AMZ1: variants seen among roughly 807,000 people sequenced by gnomAD.
AMZ1 encodes the protein archaelysin family metallopeptidase 1, also known as archaemetzincin-1.
In AMZ1, 39 loss-of-function variants were observed where a neutral mutation model predicts 29.9. That is an observed-to-expected ratio of 1.30 (90% CI 1.01 to 1.70). The LOEUF (loss-of-function observed/expected upper bound fraction) is 1.70. Among genes scored for constraint, AMZ1 ranks in the 40% most tolerant of loss-of-function variants. The probability of loss-of-function intolerance (pLI) is 0.00; values close to 1 mark genes in which losing one functional copy is unlikely to be tolerated. For synonymous variants in AMZ1, 458 were observed against 304.0 expected, an observed-to-expected ratio of 1.51 and a Z score of -5.27; for missense variants, 1,041 against 680.6, an observed-to-expected ratio of 1.53 and a Z score of -5.89.
rs1033977248 is a variant in AMZ1 at position 2,712,958 on chromosome 7, G to T, written c.*80G>T. 2.9e-6 allele frequency: 4 copies of T among 1,392,804 alleles called. No individual in the cohort carries two copies. The highest frequency in any genetic ancestry group is 2.9e-5 in the African/African-American group (2 of 68,060). The allele number at this position is 1,392,804 out of a possible 1,614,324, so 86.3% of individuals were successfully genotyped here. On this transcript the variant is annotated 3_prime_UTR_variant, in exon 7 of 7. Coordinates refer to ENST00000683327, the MANE Select transcript of AMZ1 (RefSeq NM_001384743.1). The stretch of plus-strand genomic sequence containing the variant: ...CAGTAGCTGAGGCCACTACTGACCT[G>T]CCAGGGATAAAGAGGAAGGGTCTGC...
intron 4 of AMZ1, 101 bp downstream of exon 4, chr7:2,708,817 C>G (rs77345769): frequency 0.14 from 224,446 of 1,557,616 alleles, 21,121 homozygotes; most frequent in East Asian, 0.56. Context: ...TTCAAGCACC[C>G]TCCTGGTGGA....
At chr7:2,720,218 C>T (rs1000250397), downstream of AMZ1, among the ~76,000 whole-genome samples, 4 of 152,200 alleles carry the variant, frequency 2.6e-5, no homozygotes, top group Non-Finnish European at 4.4e-5. Context: ...TCTACCCACG[C>T]GGACGCCCAT....
At chr7:2,698,643 C>T (rs1007397000) in intron 1 of AMZ1, among the ~76,000 whole-genome samples, 2 of 152,050 alleles carry the variant, frequency 1.3e-5, no homozygotes, top group African/African-American at 2.4e-5. Flanking sequence ...TTGAGACCAG[C>T]CTGGGCAACA....
chr7:2,717,447 C>T lies in AMZ1; in HGVS notation c.*4569C>T, dbSNP rs1014345469. Among the ~76,000 whole-genome samples the T allele has an allele frequency of 6.6e-6, 1 of 152,210 alleles. No individual in the cohort carries two copies. Among genetic ancestry groups the T allele is most frequent in the Non-Finnish European group, 1.5e-5 (1 of 68,044 alleles). On this transcript the variant is annotated 3_prime_UTR_variant, in exon 7 of 7. Coordinates refer to ENST00000683327, the MANE Select transcript of AMZ1 (RefSeq NM_001384743.1). ...CCGTCCTGGGAGAGGCCCCGGGAAC[C>T]GGCTCGCCCTGTACCCAAGGGCTCT...
rs113735463 is a variant in AMZ1, at chr7:2,712,712, C to T, written c.1331C>T (p.Thr444Met). 6.4e-4 allele frequency: 1,023 copies of T among 1,609,998 alleles called. 7 individuals carry two copies. In the South Asian group the frequency reaches 7.2e-3, roughly 11 times the overall value. The change falls in exon 7 of 7, where the codon ACG becomes ATG. Residue 444 changes from threonine (T) to methionine (M), a missense_variant. Thr to Met is a moderately conservative substitution (Grantham distance 81). Transcript: ENST00000683327. The stretch of plus-strand genomic sequence containing the variant: ...GCCCTCGACCGCTGGGAGATGTTCA[C>T]GGGCCAGCTCCCGGCCACCAGGCAG... ...VDALDRWEMFTGQLPATRQDP... is the reference protein window; with the variant it reads ...VDALDRWEMFMGQLPATRQDP...
chr7:2,693,610 C>T (rs944767262), intron 1 of AMZ1, among the ~76,000 whole-genome samples: 1 of 152,184 alleles, frequency 6.6e-6, no homozygotes, highest in Non-Finnish European at 1.5e-5. Flanking sequence ...GACTGGAGTG[C>T]AGTGGCGCGA....
intron 4 of AMZ1, among the ~76,000 whole-genome samples, chr7:2,747,406 A>G (rs1331709677): frequency 6.6e-6 from 1 of 152,194 alleles, no homozygotes; most frequent in Non-Finnish European, 1.5e-5. Context: ...TATAAACAGA[A>G]CCAAAGACAA....
Position 2,747,394 on chromosome 7 carries a change from T to C in AMZ1, n.551-17318T>C, listed in dbSNP as rs185993348. Among the ~76,000 whole-genome samples the C allele has an allele frequency of 3.0e-4, 46 of 152,196 alleles. No homozygotes were observed. The East Asian group carries it at 8.5e-3, about 28-fold the overall frequency. The stretch of plus-strand genomic sequence containing the variant: ...ATGCAAATCAATAAATGTAATCCAG[T>C]ATATAAACAGAACCAAAGACAAAAA... On this transcript the variant is annotated intron_variant and non_coding_transcript_variant, in intron 4 of 4. Coordinates refer to the AMZ1 transcript ENST00000489665.
chr7:2,694,111 C>T (rs1050462979), intron 1 of AMZ1, among the ~76,000 whole-genome samples: 1 of 152,198 alleles, frequency 6.6e-6, no homozygotes, highest in African/African-American at 2.4e-5. Flanking sequence ...CTGGGCGTGT[C>T]TGTGAGGGTG....
At chr7:2,724,072 A>AT (rs770625030), downstream of AMZ1, among the ~76,000 whole-genome samples, 2 of 100,210 alleles carry the variant, frequency 2.0e-5, no homozygotes, top group Non-Finnish European at 4.0e-5. Flanking sequence ...CACCTGGCTA[A>AT]TTTTTTGTAT....
At chr7:2,754,256 G>C (rs1039143437) in intron 4 of AMZ1, among the ~76,000 whole-genome samples, 2 of 152,172 alleles carry the variant, frequency 1.3e-5, no homozygotes, top group East Asian at 1.9e-4. Flanking sequence ...ATGTCTTCTC[G>C]TGCTTATGTG....
chr7:2,698,264 G>T (rs540108511), intron 1 of AMZ1, among the ~76,000 whole-genome samples: 3 of 152,162 alleles, frequency 2.0e-5, no homozygotes, highest in Non-Finnish European at 4.4e-5. Flanking sequence ...CCAAACAGGC[G>T]TGGTGGCTCA....
intron 4 of AMZ1, among the ~76,000 whole-genome samples, chr7:2,756,282 A>T (rs887098409): frequency 6.6e-6 from 1 of 152,196 alleles, no homozygotes; most frequent in Non-Finnish European, 1.5e-5. Flanking sequence ...GAGGATCAGA[A>T]AATCAAAAAA....
chr7:2,747,433 T>A (rs1173173094), intron 4 of AMZ1, among the ~76,000 whole-genome samples: 2 of 152,162 alleles, frequency 1.3e-5, no homozygotes. Context: ...CATGACTATC[T>A]CAGTAGATGC....
chr7:2,762,558 C>T, upstream of AMZ1: 2 of 1,401,804 alleles, frequency 1.4e-6, no homozygotes, highest in Non-Finnish European at 1.9e-6. Flanking sequence ...GGAGTTAGAT[C>T]CAATGACATT....
intron 4 of AMZ1, among the ~76,000 whole-genome samples, chr7:2,743,726 C>G (rs147281075): frequency 6.6e-6 from 1 of 152,176 alleles, no homozygotes; most frequent in African/African-American, 2.4e-5. Flanking sequence ...GGGCGAGGCA[C>G]TGCCTCACTC....
chr7:2,761,183 C>T (rs140959200), upstream of AMZ1, among the ~76,000 whole-genome samples: 19 of 152,308 alleles, frequency 1.2e-4, no homozygotes, highest in East Asian at 2.1e-3. Flanking sequence ...CCACCGTGCA[C>T]GGCACTGCGC....
At chr7:2,693,123 G>A (rs1024481417) in intron 1 of AMZ1, among the ~76,000 whole-genome samples, 8 of 152,332 alleles carry the variant, frequency 5.3e-5, no homozygotes, top group South Asian at 2.1e-4. Context: ...GTTTTGAGAT[G>A]GAGTTTTTGC....
chr7:2,739,413 G>A (rs1790383732), intron 4 of AMZ1, among the ~76,000 whole-genome samples: 1 of 152,158 alleles, frequency 6.6e-6, no homozygotes, highest in African/African-American at 2.4e-5. Context: ...CTTTTACTTG[G>A]TGCGGCATTT....
Sources: gnomAD v4.1 joint callset for allele counts (sites outside exome capture counted in the v4.1 genomes callset) on GRCh38, gnomAD v4.1.1 for gene constraint, MANE v1.5 for transcripts, NCBI Gene and HGNC (gene_info 2026-07-23, HGNC 2026-07-21) for gene names.